The following YTHDC1 variants were observed in gnomAD, a reference collection of about 807,000 sequenced individuals.
YTHDC1 encodes YTH domain-containing protein 1.
A neutral mutation model predicts 107.0 loss-of-function variants in YTHDC1; 12 were observed. That is an observed-to-expected ratio of 0.11 (90% CI 0.07 to 0.18). The LOEUF is 0.18. YTHDC1 is among the 10% of genes least tolerant of loss of function. The pLI is 1.00. For missense variants in YTHDC1, 635 were observed against 898.8 expected, an observed-to-expected ratio of 0.71 and a Z score of 3.75; for synonymous variants, 280 against 289.5, an observed-to-expected ratio of 0.97 and a Z score of 0.33.
At position 68,343,758 on chromosome 4, in the gene YTHDC1, G is replaced by C. The variant is rs188975935; in HGVS notation, c.29-5374C>G. On this transcript the variant is annotated intron_variant, in intron 1 of 16. Coordinates refer to ENST00000344157, the MANE Select transcript of YTHDC1 (RefSeq NM_001031732.4). ...TTGCCATGTTGGCCATGCTGGTCTT[G>C]AACTCCTGACCTCAGGTTAAAATCT... 2.8e-3 allele frequency among the ~76,000 whole-genome samples: 428 copies of C among 150,652 alleles called. 3 individuals carry two copies. Among genetic ancestry groups the C allele is most frequent in the African/African-American group, 0.01 (405 of 40,122 alleles).
chr4:68,330,378 T>C, intron 7 of YTHDC1, 68 bp from the exon 8 acceptor site: 6 of 1,132,282 alleles, frequency 5.3e-6, no homozygotes, highest in Non-Finnish European at 7.2e-6. Flanking sequence ...CAGTTATGTT[T>C]GAAAAAAAAC....
intron 4 of YTHDC1, 100 bp from the exon 5 acceptor site, chr4:68,333,497 C>A: frequency 1.3e-6 from 1 of 770,226 alleles, no homozygotes; most frequent in Non-Finnish European, 2.2e-6. Flanking sequence ...TTGCATAGCC[C>A]TTCTATTAGT....
At chr4:68,315,115 A>G (rs1416012474) in intron 16 of YTHDC1, among the ~76,000 whole-genome samples, 1 of 152,184 alleles carries the variant, frequency 6.6e-6, no homozygotes, top group Non-Finnish European at 1.5e-5. Flanking sequence ...TTTAAAAGCC[A>G]TGTGATCAGT....
At chr4:68,323,743 C>T (rs1722684754) in intron 10 of YTHDC1, among the ~76,000 whole-genome samples, 1 of 152,178 alleles carries the variant, frequency 6.6e-6, no homozygotes, top group Admixed American at 6.5e-5. Context: ...ACTTGAAAAC[C>T]TGAGTACATA....
chr4:68,325,224 A>T (rs1722860141), intron 9 of YTHDC1, among the ~76,000 whole-genome samples: 1 of 152,208 alleles, frequency 6.6e-6, no homozygotes, highest in Non-Finnish European at 1.5e-5. Flanking sequence ...AAATAAGCAC[A>T]CACAATTTTC....
At position 68,336,431 on chromosome 4, in the gene YTHDC1, C is replaced by T. The variant is rs564047996; in HGVS notation, c.883+596G>A. ...GATATATATAGCATTGAAGAAATGA[C>T]TGAAGATGGTTCTTACCTGATTTTT... On this transcript the variant is annotated intron_variant, in intron 4 of 16. Transcript: ENST00000344157. 4.6e-5 allele frequency among the ~76,000 whole-genome samples: 7 copies of T among 152,172 alleles called. No homozygotes were observed. The South Asian group carries it at 1.5e-3, about 32-fold the overall frequency.
At chr4:68,342,574 A>G (rs373419576) in intron 1 of YTHDC1, among the ~76,000 whole-genome samples, 3 of 152,210 alleles carry the variant, frequency 2.0e-5, no homozygotes, top group South Asian at 2.1e-4. Flanking sequence ...TTAAGGGTAA[A>G]TATTTTAATT....
At chr4:68,335,962 C>A (rs898738142) in intron 4 of YTHDC1, among the ~76,000 whole-genome samples, 5 of 148,942 alleles carry the variant, frequency 3.4e-5, no homozygotes, top group African/African-American at 1.2e-4. Flanking sequence ...TCTACCTATA[C>A]TGTATGTAGT....
intron 9 of YTHDC1, among the ~76,000 whole-genome samples, chr4:68,325,362 T>C (rs1722880426): frequency 6.6e-6 from 1 of 151,642 alleles, no homozygotes; most frequent in African/African-American, 2.4e-5. Flanking sequence ...GGTACAAGAG[T>C]TAAGCTTGAA....
chr4:68,342,705 T>A (rs570455467), intron 1 of YTHDC1, among the ~76,000 whole-genome samples: 1 of 152,204 alleles, frequency 6.6e-6, no homozygotes, highest in East Asian at 1.9e-4. Context: ...CTTCACTGAC[T>A]TGAAAAAGTA....
rs777123680 is a variant in YTHDC1 at position 68,333,290 on chromosome 4, A to G, written c.973+18T>C. The G allele has an allele frequency of 6.3e-7, 1 of 1,588,002 alleles. No individual in the cohort carries two copies. Among genetic ancestry groups the G allele is most frequent in the South Asian group, 1.1e-5 (1 of 88,412 alleles). ...TTACATTAGAATCAAGTCAGATATG[A>G]TCACAAAATGAGAATACCTGCATAT... On this transcript the variant is annotated intron_variant, in intron 5 of 16. Transcript: ENST00000344157.
chr4:68,328,739 G>A (rs1373353965), intron 9 of YTHDC1, among the ~76,000 whole-genome samples: 1 of 152,136 alleles, frequency 6.6e-6, no homozygotes, highest in East Asian at 1.9e-4. Context: ...GTCACTTAAT[G>A]ACAGGGATAC....
In YTHDC1 at chr4:68,314,170, T is replaced by C; in HGVS notation, c.2113A>G (p.Arg705Gly). 6.2e-7 allele frequency: 1 copy of C among 1,613,770 alleles called. No homozygotes were observed. Reference protein sequence around the residue: ...RDRERDRGRDRERERERLCDR... With the variant: ...RDRERDRGRDGERERERLCDR... Reference sequence around the variant, plus strand: ...CATAATCGCTCTCTTTCTCTTTCTCTATCACGTCCTCTATCTCGCTCTCTG... The same window carrying C: ...CATAATCGCTCTCTTTCTCTTTCTCCATCACGTCCTCTATCTCGCTCTCTG... The change falls in exon 17 of 17, where the codon AGA becomes GGA. Residue 705 changes from arginine (R) to glycine (G), a missense_variant. By Grantham distance (125) the Arg-to-Gly change is moderately radical. Around this residue, in one of 5 missense-constraint regions of YTHDC1, gnomAD observed 256 missense variants for 372.9 expected, o/e 0.69. Transcript: ENST00000344157.
chr4:68,340,321 G>T (rs1054014911), intron 1 of YTHDC1, among the ~76,000 whole-genome samples: 2 of 150,322 alleles, frequency 1.3e-5, no homozygotes, highest in Non-Finnish European at 2.9e-5. Context: ...ACTATGTCTG[G>T]AATAGCAAAA....
At chr4:68,317,324 A>G (rs1020842088) in intron 15 of YTHDC1, among the ~76,000 whole-genome samples, 3 of 152,214 alleles carry the variant, frequency 2.0e-5, no homozygotes, top group Admixed American at 6.5e-5. Context: ...TCAAGATCAT[A>G]TATTATTAAA....
At chr4:68,349,593 G>A in intron 1 of YTHDC1, 133 bp downstream of exon 1, 1 of 1,332,662 alleles carries the variant, frequency 7.5e-7, no homozygotes, top group Non-Finnish European at 1.0e-6. Context: ...GTCTCGGTGG[G>A]GGCCACCGGC....
intron 1 of YTHDC1, among the ~76,000 whole-genome samples, chr4:68,346,669 T>C (rs1725479915): frequency 1.3e-5 from 2 of 152,188 alleles, no homozygotes; most frequent in Non-Finnish European, 2.9e-5. Context: ...TCTCGGGTAG[T>C]AGATCAACTG....
At chr4:68,335,857 A>G (rs1329149310) in intron 4 of YTHDC1, among the ~76,000 whole-genome samples, 5 of 151,570 alleles carry the variant, frequency 3.3e-5, no homozygotes, top group Non-Finnish European at 7.4e-5. Context: ...ACCTCCCTTG[A>G]AAAGCCTATC....
intron 1 of YTHDC1, among the ~76,000 whole-genome samples, chr4:68,340,742 C>T (rs1296201311): frequency 6.6e-6 from 1 of 151,942 alleles, no homozygotes; most frequent in Non-Finnish European, 1.5e-5. Context: ...TAATGCTATA[C>T]AAATCTTTTC....
Sources: allele counts gnomAD v4.1 joint callset (sites outside exome capture counted in the v4.1 genomes callset), GRCh38; gene constraint gnomAD v4.1.1; regional missense constraint gnomAD v4.1.1; transcripts MANE v1.5; gene names NCBI Gene and HGNC (gene_info 2026-07-23, HGNC 2026-07-21).